B4GALT4: variants seen among roughly 807,000 people sequenced by gnomAD.
B4GALT4 encodes N-acetyllactosamine synthase.
B4GALT4 carries 27 observed loss-of-function variants against 37.3 expected under a neutral mutation model. The ratio of observed to expected loss-of-function variants is 0.72; its 90% CI spans 0.53 to 1.00. B4GALT4 has a LOEUF of 1.00. Among genes scored for constraint, B4GALT4 ranks in the 50% least tolerant of loss-of-function variants. B4GALT4 has a pLI of 0.00. For synonymous variants in B4GALT4, 148 were observed against 154.1 expected, an observed-to-expected ratio of 0.96 and a Z score of 0.29; for missense variants, 372 against 413.1, an observed-to-expected ratio of 0.90 and a Z score of 0.86.
chr3:119,230,027 C>T lies in B4GALT4; in HGVS notation c.73G>A (p.Val25Met), dbSNP rs1227143932. ...LLLLLTLCLT[V>M]VGWATSNYFV... ...TAGTTACTGGTGGCCCACCCAACCACTGTCAGGCACAAAGTCAACAGCAAC... is the reference window on the plus strand; with the variant it reads ...TAGTTACTGGTGGCCCACCCAACCATTGTCAGGCACAAAGTCAACAGCAAC... Residue 25 changes from valine to methionine, a missense_variant, in exon 3 of 8, where the codon GTG becomes ATG. Transcript: ENST00000393765. 6.2e-7 allele frequency: 1 copy of T among 1,614,168 alleles called. No individual in the cohort carries two copies.
chr3:119,230,691 GTTC>G (rs2078783756), intron 2 of B4GALT4, among the ~76,000 whole-genome samples: 1 of 152,188 alleles, frequency 6.6e-6, no homozygotes, highest in South Asian at 2.1e-4. Flanking sequence ...AAAGGGAAAA[GTTC>G]TTCTCCCCTG....
chr3:119,229,521 A>G (rs1331443637), intron 3 of B4GALT4, among the ~76,000 whole-genome samples: 1 of 152,224 alleles, frequency 6.6e-6, no homozygotes, highest in Non-Finnish European at 1.5e-5. Context: ...GGAAAAATCT[A>G]ATGTGTAGAG....
intron 5 of B4GALT4, among the ~76,000 whole-genome samples, chr3:119,223,556 G>T (rs1420218300): frequency 3.9e-5 from 6 of 152,152 alleles, no homozygotes; most frequent in South Asian, 2.1e-4. Context: ...TGAGAGAAAT[G>T]AACTTGTCCT....
chr3:119,224,349 CGCA>C, intron 4 of B4GALT4, 104 bp from the exon 5 acceptor site: 1 of 790,872 alleles, frequency 1.3e-6, no homozygotes, highest in Non-Finnish European at 1.9e-6. Context: ...AATTATTCTA[CGCA>C]CGAGACTACA....
intron 5 of B4GALT4, among the ~76,000 whole-genome samples, chr3:119,219,350 T>C (rs1035457277): frequency 2.0e-5 from 3 of 152,222 alleles, no homozygotes; most frequent in Admixed American, 1.3e-4. Context: ...CCTCTGAAGT[T>C]TCTGGCCTGC....
chr3:119,237,570 C>T (rs998763405), intron 1 of B4GALT4, among the ~76,000 whole-genome samples: 1 of 152,152 alleles, frequency 6.6e-6, no homozygotes, highest in African/African-American at 2.4e-5. Flanking sequence ...TTAACAAGCT[C>T]CCCAAATGAT....
intron 3 of B4GALT4, among the ~76,000 whole-genome samples, chr3:119,228,517 G>T (rs904986072): frequency 3.3e-5 from 5 of 152,206 alleles, no homozygotes; most frequent in African/African-American, 4.8e-5. Context: ...TAAGCAAGGG[G>T]AATAATCAGC....
At chr3:119,218,403 C>T (rs1372433404) in intron 6 of B4GALT4, among the ~76,000 whole-genome samples, 2 of 152,142 alleles carry the variant, frequency 1.3e-5, no homozygotes, top group South Asian at 2.1e-4. Flanking sequence ...AAGTCTTTCC[C>T]GACAAGTACA....
Position 119,224,083 on chromosome 3 carries a change from C to A in B4GALT4, c.649G>T (p.Val217Phe). ...KCEEHPKHLV[V>F]GRNSTGYRLR... ...CTGTACCCAGTGCTGTTCCTGCCAA[C>A]CACCAGATGCTTGGGATGCTCCTCA... Residue 217 changes from valine (V) to phenylalanine (F), a missense_variant, in exon 5 of 8, where the codon GTT (valine) becomes TTT (phenylalanine). By Grantham distance (50) the Val-to-Phe change is conservative (BLOSUM62 -1). Transcript: ENST00000393765. The A allele has an allele frequency of 6.2e-7, 1 of 1,613,698 alleles. No homozygotes were observed. Among genetic ancestry groups the A allele is most frequent in the Non-Finnish European group, 8.5e-7 (1 of 1,179,850 alleles).
chr3:119,230,381 G>A, intron 2 of B4GALT4, 137 bp from the exon 3 acceptor site: 1 of 401,982 alleles, frequency 2.5e-6, no homozygotes. Flanking sequence ...TTAGCATTTA[G>A]AGATTCGAAA....
intron 5 of B4GALT4, among the ~76,000 whole-genome samples, chr3:119,222,027 C>G (rs907853518): frequency 3.3e-5 from 5 of 152,154 alleles, no homozygotes; most frequent in African/African-American, 1.2e-4. Context: ...AAGAGCTCAG[C>G]CTTCTTATGG....
chr3:119,221,598 CA>C (rs2078452141), intron 5 of B4GALT4, among the ~76,000 whole-genome samples: 1 of 152,060 alleles, frequency 6.6e-6, no homozygotes, highest in South Asian at 2.1e-4. Flanking sequence ...TCTCCAGCCA[CA>C]AAAGATGAGG....
chr3:119,219,416 AAT>A (rs2078384797), intron 5 of B4GALT4, among the ~76,000 whole-genome samples: 2 of 152,236 alleles, frequency 1.3e-5, no homozygotes, highest in Admixed American at 1.3e-4. Context: ...ACAGAACAAG[AAT>A]TAGGTTTTGA....
Position 119,224,082 on chromosome 3 carries a change from A to G in B4GALT4, c.650T>C (p.Val217Ala), listed in dbSNP as rs1216080152. 6.2e-7 allele frequency: 1 copy of G among 1,613,710 alleles called. No homozygotes were observed. Among genetic ancestry groups the G allele is most frequent in the Admixed American group, 1.7e-5 (1 of 59,932 alleles). Reference sequence around the variant, plus strand: ...CCTGTACCCAGTGCTGTTCCTGCCAACCACCAGATGCTTGGGATGCTCCTC... The same window carrying G: ...CCTGTACCCAGTGCTGTTCCTGCCAGCCACCAGATGCTTGGGATGCTCCTC... The part of the protein sequence containing the change: ...KCEEHPKHLV[V>A]GRNSTGYRLR... The change falls in exon 5 of 8, where the codon GTT becomes GCT. Residue 217 changes from valine (V) to alanine (A), a missense_variant. Coordinates refer to ENST00000393765, the MANE Select transcript of B4GALT4 (RefSeq NM_003778.4).
intron 2 of B4GALT4, among the ~76,000 whole-genome samples, chr3:119,231,407 AG>A (rs2078811716): frequency 6.6e-6 from 1 of 152,236 alleles, no homozygotes; most frequent in Non-Finnish European, 1.5e-5. Context: ...TGTTCTCAGA[AG>A]AACACAGAAA....
At chr3:119,230,467 A>C in intron 2 of B4GALT4, 1 of 234,792 alleles carries the variant, frequency 4.3e-6, no homozygotes, top group South Asian at 6.3e-5. Context: ...GCTGTCTGCC[A>C]CCCAAGAAGG....
Position 119,226,938 on chromosome 3 carries a change from T to G in B4GALT4, c.357A>C (p.Lys119Asn). ...SRGRYRPQEC[K>N]ALQRVAILVP... ...CGAGGATGGCGACCCTCTGTAAAGC[T>G]TTACATTCCTGAGGGCGATACCGGC... Residue 119 changes from lysine to asparagine, a missense_variant, in exon 4 of 8, where the codon AAA becomes AAC. Lys to Asn is a moderately conservative substitution (Grantham distance 94). Transcript: ENST00000393765. 6.2e-7 allele frequency: 1 copy of G among 1,614,138 alleles called. No homozygotes were observed. Among genetic ancestry groups the G allele is most frequent in the Non-Finnish European group, 8.5e-7 (1 of 1,180,018 alleles).
At chr3:119,231,441 A>G (rs7650288) in intron 2 of B4GALT4, among the ~76,000 whole-genome samples, 23,143 of 152,178 alleles carry the variant, frequency 0.15, 2,046 homozygotes, top group Admixed American at 0.24. Flanking sequence ...GGGCACAGAT[A>G]ATCTCCATAG....
At chr3:119,220,678 CAGA>C (rs1443369385) in intron 5 of B4GALT4, among the ~76,000 whole-genome samples, 3 of 152,186 alleles carry the variant, frequency 2.0e-5, no homozygotes, top group East Asian at 1.9e-4. Context: ...TGGGGAGGGG[CAGA>C]AGAAGACAAG....
Sources: allele counts gnomAD v4.1 joint callset (sites outside exome capture counted in the v4.1 genomes callset), GRCh38; gene constraint gnomAD v4.1.1; transcripts MANE v1.5; gene names NCBI Gene and HGNC (gene_info 2026-07-23, HGNC 2026-07-21).